CADPS: variants seen among roughly 807,000 people sequenced by gnomAD.
CADPS encodes the protein calcium-dependent secretion activator 1.
A neutral mutation model predicts 167.3 loss-of-function variants in CADPS; 57 were observed. That is an observed-to-expected ratio of 0.34 (90% CI 0.28 to 0.42). The LOEUF (loss-of-function observed/expected upper bound fraction) is 0.42. CADPS is among the 20% of genes least tolerant of loss of function. The pLI, the probability that CADPS is intolerant of heterozygous loss-of-function variation, is 1.00. For synonymous variants in CADPS, 676 were observed against 635.3 expected, an observed-to-expected ratio of 1.06 and a Z score of -0.96; for missense variants, 1,414 against 1,738.1, an observed-to-expected ratio of 0.81 and a Z score of 3.32.
chr3:62,539,998 G>T (rs2075418306), intron 11 of CADPS, among the ~76,000 whole-genome samples: 1 of 152,162 alleles, frequency 6.6e-6, no homozygotes, highest in African/African-American at 2.4e-5. Context: ...GGACTGTTGA[G>T]AGGATCTGAA....
intron 1 of CADPS, among the ~76,000 whole-genome samples, chr3:62,841,619 A>G (rs1235355046): frequency 6.6e-6 from 1 of 152,170 alleles, no homozygotes; most frequent in African/African-American, 2.4e-5. Flanking sequence ...CAGGAGGGTG[A>G]GGCAGGAAGA....
chr3:62,684,027 A>T (rs1448213482), intron 3 of CADPS, among the ~76,000 whole-genome samples: 1 of 151,480 alleles, frequency 6.6e-6, no homozygotes, highest in South Asian at 2.1e-4. Flanking sequence ...CTCTCCTCCC[A>T]CTCTATACTG....
At chr3:62,414,164 A>G (rs1289580597) in intron 28 of CADPS, among the ~76,000 whole-genome samples, 1 of 152,176 alleles carries the variant, frequency 6.6e-6, no homozygotes, top group Non-Finnish European at 1.5e-5. Flanking sequence ...CAAGAAAAGG[A>G]TGCATTTTTT....
intron 1 of CADPS, among the ~76,000 whole-genome samples, chr3:62,857,885 C>T (rs962933657): frequency 6.6e-6 from 1 of 151,926 alleles, no homozygotes; most frequent in African/African-American, 2.4e-5. Context: ...TTACTTTATG[C>T]TAAAACATGA....
At chr3:62,620,301 C>T (rs1403026582) in intron 6 of CADPS, among the ~76,000 whole-genome samples, 2 of 152,088 alleles carry the variant, frequency 1.3e-5, no homozygotes, top group Non-Finnish European at 2.9e-5. Context: ...GTGCTAAGTG[C>T]TTTTGCTGCA....
chr3:62,656,054 T>C (rs985123627), intron 4 of CADPS, among the ~76,000 whole-genome samples: 19 of 152,268 alleles, frequency 1.2e-4, no homozygotes, highest in Non-Finnish European at 2.6e-4. Context: ...GACAGATTTC[T>C]TCACCCATCT....
chr3:62,693,782 C>T (rs1320992075), intron 3 of CADPS, among the ~76,000 whole-genome samples: 2 of 51,946 alleles, frequency 3.9e-5, no homozygotes, highest in African/African-American at 1.4e-4. Context: ...GGGACTCCAT[C>T]TTAAAAAAAA....
At chr3:62,862,236 T>TA (rs1272257554) in intron 1 of CADPS, among the ~76,000 whole-genome samples, 2 of 149,354 alleles carry the variant, frequency 1.3e-5, no homozygotes, top group Admixed American at 6.7e-5. Context: ...TTTTTTTTTT[T>TA]AGACAGAGTC....
intron 7 of CADPS, among the ~76,000 whole-genome samples, chr3:62,588,408 A>T (rs769616561): frequency 9.6e-5 from 14 of 145,506 alleles, no homozygotes; most frequent in Non-Finnish European, 1.8e-4. Context: ...ACCAGTCATT[A>T]TTCCTATTTG....
At chr3:62,811,530 G>A (rs187007201) in intron 1 of CADPS, among the ~76,000 whole-genome samples, 49 of 152,262 alleles carry the variant, frequency 3.2e-4, no homozygotes, top group South Asian at 1.0e-3. Context: ...GTTAAAAGCC[G>A]TGCATTATAA....
intron 16 of CADPS, 74 bp from the exon 17 acceptor site, chr3:62,512,842 G>A: frequency 2.2e-6 from 3 of 1,348,492 alleles, no homozygotes; most frequent in Non-Finnish European, 2.1e-6. Flanking sequence ...TAATGAGCAA[G>A]TGGACCAAAA....
At chr3:62,637,054 G>A (rs190605589) in intron 6 of CADPS, among the ~76,000 whole-genome samples, 405 of 152,220 alleles carry the variant, frequency 2.7e-3, no homozygotes, top group Non-Finnish European at 4.7e-3. Context: ...ACCATGTGGA[G>A]TTCAGTGACA....
chr3:62,637,495 G>A (rs1021752344), intron 6 of CADPS, among the ~76,000 whole-genome samples: 2 of 152,204 alleles, frequency 1.3e-5, no homozygotes, highest in Non-Finnish European at 2.9e-5. Flanking sequence ...CAGTGCTGAT[G>A]TATGTGGGTC....
chr3:62,721,140 A>ATTTTTTTTTTTTTTTTT (rs1564299964), intron 3 of CADPS, among the ~76,000 whole-genome samples: 20 of 77,472 alleles, frequency 2.6e-4, no homozygotes, highest in African/African-American at 1.1e-3. Context: ...TTTTTAAAAA[A>ATTTTTTTTTTTTTTTTT]AAAAAGAAGA....
At chr3:62,673,317 C>T (rs1402932587) in intron 3 of CADPS, among the ~76,000 whole-genome samples, 2 of 152,064 alleles carry the variant, frequency 1.3e-5, no homozygotes, top group Non-Finnish European at 2.9e-5. Flanking sequence ...CAAATCATGA[C>T]CTAAATAGAA....
chr3:62,494,358 C>G (rs1429940629), intron 18 of CADPS, among the ~76,000 whole-genome samples: 1 of 152,198 alleles, frequency 6.6e-6, no homozygotes, highest in African/African-American at 2.4e-5. Flanking sequence ...AACCCTGGAA[C>G]TTGCTGGATG....
chr3:62,840,911 T>C (rs1577149966), intron 1 of CADPS, among the ~76,000 whole-genome samples: 1 of 152,218 alleles, frequency 6.6e-6, no homozygotes, highest in Non-Finnish European at 1.5e-5. Flanking sequence ...TCTTGTGATA[T>C]ACCGATTAGG....
chr3:62,652,780 C>G (rs1459559605), intron 4 of CADPS, among the ~76,000 whole-genome samples: 1 of 152,144 alleles, frequency 6.6e-6, no homozygotes, highest in African/African-American at 2.4e-5. Context: ...GGAACTCTGA[C>G]TTTTATCATT....
intron 3 of CADPS, among the ~76,000 whole-genome samples, chr3:62,704,013 T>C (rs2081908273): frequency 1.3e-5 from 2 of 152,142 alleles, no homozygotes; most frequent in Admixed American, 1.3e-4. Context: ...TCTGACTTCA[T>C]TCCTTCCTAC....
Sources: gnomAD v4.1 joint callset for allele counts (sites outside exome capture counted in the v4.1 genomes callset) on GRCh38, gnomAD v4.1.1 for gene constraint, MANE v1.5 for transcripts, NCBI Gene and HGNC (gene_info 2026-07-23, HGNC 2026-07-21) for gene names.